CEP170B: variants seen among roughly 807,000 people sequenced by gnomAD.
CEP170B encodes the protein centrosomal protein of 170 kDa protein B.
Under a neutral mutation model 120.6 loss-of-function variants are expected in CEP170B, and 55 were observed. The ratio of observed to expected loss-of-function variants is 0.46; its 90% confidence interval spans 0.37 to 0.57. CEP170B has a LOEUF of 0.57. Ranked by LOEUF, CEP170B falls within the 20% of genes least tolerant of loss-of-function variation. The probability of loss-of-function intolerance (pLI) is 0.00; values close to 1 mark genes in which losing one functional copy is unlikely to be tolerated. For missense variants in CEP170B, 2,212 were observed against 2,253.3 expected (o/e 0.98, Z 0.37); for synonymous variants, 1,033 against 954.5 (o/e 1.08, Z -1.52).
At position 104,870,548 on chromosome 14, in the gene CEP170B, G is replaced by C. The variant is rs1179637439; in HGVS notation, c.105+1993G>C. 6.6e-6 allele frequency among the ~76,000 whole-genome samples: 1 copy of C among 152,192 alleles called. No homozygotes were observed. Among genetic ancestry groups the C allele is most frequent in the Non-Finnish European group, 1.5e-5 (1 of 68,024 alleles). On this transcript the variant is annotated intron_variant, in intron 2 of 18. Transcript: ENST00000414716. This position sits in a 1 kb window ranked among gnomAD's most constrained non-coding sequence, Gnocchi z 4.1. ...ACTTTGGAGCCTCTGGAAGAAGCCA[G>C]AGTCAGCCTGCAGGCAGGGGACTGG...
chr14:104,869,155 G>A (rs750326680), intron 2 of CEP170B, among the ~76,000 whole-genome samples: 1 of 152,174 alleles, frequency 6.6e-6, no homozygotes, highest in African/African-American at 2.4e-5. Flanking sequence ...TGGGGCTTGC[G>A]ATCTGGCTGT....
At chr14:104,877,095 G>A (rs1465875866) in intron 3 of CEP170B, among the ~76,000 whole-genome samples, 3 of 152,034 alleles carry the variant, frequency 2.0e-5, no homozygotes, top group Non-Finnish European at 2.9e-5. Context: ...TGAGCTGGGG[G>A]GCCCTAGCAG....
In CEP170B at chr14:104,889,756, C is replaced by T; in HGVS notation, c.3876C>T (p.Ala1292=). The part of the protein sequence containing the change: ...IVQTAEIAEI[A]RLSQTLVKDV... The stretch of plus-strand genomic sequence containing the variant: ...AGACGGCAGAGATTGCGGAGATTGC[C>T]AGGTGAGTAGCCCATTCAGAGTAAA... The change falls in exon 13 of 19, where the codon GCC becomes GCT. Residue 1292 remains alanine (A), a splice_region_variant and synonymous_variant. Transcript: ENST00000414716. 1.2e-6 allele frequency: 2 copies of T among 1,600,916 alleles called. No homozygotes were observed. Among genetic ancestry groups the T allele is most frequent in the Non-Finnish European group, 8.5e-7 (1 of 1,170,938 alleles).
chr14:104,885,298 C>T, intron 9 of CEP170B, 71 bp from the exon 10 acceptor site: 2 of 1,449,124 alleles, frequency 1.4e-6, no homozygotes, highest in South Asian at 1.4e-5. Context: ...CTGGGGGTGG[C>T]CAGTGTCAGT....
At chr14:104,874,940 A>G (rs78369243) in intron 2 of CEP170B, among the ~76,000 whole-genome samples, 1,585 of 152,336 alleles carry the variant, frequency 0.01, 28 homozygotes, top group African/African-American at 0.035. Flanking sequence ...AAGCTGGGCC[A>G]TCAGAGCCCT....
rs41317300 is a variant in CEP170B at position 104,878,424 on chromosome 14, C to T, written c.275-19C>T. 0.53 allele frequency: 855,874 copies of T among 1,609,792 alleles called. 238,677 individuals carry two copies. Among genetic ancestry groups the T allele is most frequent in the Middle Eastern group, 0.64 (3,848 of 6,054 alleles). On this transcript the variant is annotated intron_variant, in intron 4 of 18. Transcript: ENST00000414716. ...GCTCCTGGCTCTTCTGCTCTGTGTTCGCCTTAACACGTGTCCACATTCCAA... is the reference window on the plus strand; with the variant it reads ...GCTCCTGGCTCTTCTGCTCTGTGTTTGCCTTAACACGTGTCCACATTCCAA...
intron 16 of CEP170B, 26 bp downstream of exon 16, chr14:104,893,875 G>C (rs762447265): frequency 6.3e-7 from 1 of 1,591,556 alleles, no homozygotes; most frequent in African/African-American, 1.3e-5. Context: ...GGCTGAGGTG[G>C]ACGCCCAGAC....
rs200830412 is a variant in CEP170B, at chr14:104,884,507, G to T, written c.1728G>T (p.Ala576=). The change falls in exon 9 of 19, where the codon GCG becomes GCT. Residue 576 remains alanine, a synonymous_variant. Transcript: ENST00000414716. The stretch of plus-strand genomic sequence containing the variant: ...GGACATACACCATCGAGACCGAGGC[G>T]CAGGACACGGAGGTGGAGGAGGCCC... ...DAGTYTIETE[A]QDTEVEEARK... 1.9e-6 allele frequency: 3 copies of T among 1,564,604 alleles called. No individual in the cohort carries two copies. The highest frequency in any genetic ancestry group is 3.8e-5 in the Admixed American group (2 of 53,066).
intron 13 of CEP170B, among the ~76,000 whole-genome samples, 151 bp downstream of exon 13, chr14:104,889,909 G>A (rs866339230): frequency 0.2 from 5,195 of 25,390 alleles, 354 homozygotes; most frequent in Middle Eastern, 0.39. Context: ...TGGACAAATG[G>A]ATGGATGGAT....
intron 5 of CEP170B, among the ~76,000 whole-genome samples, chr14:104,879,376 G>C (rs2140669357): frequency 6.6e-6 from 1 of 152,272 alleles, no homozygotes; most frequent in East Asian, 1.9e-4. Context: ...TAACGGATTT[G>C]AGTCCTTCAA....
Position 104,870,200 on chromosome 14 carries a change from G to A in CEP170B, c.105+1645G>A, listed in dbSNP as rs1007095346. Among the ~76,000 whole-genome samples, 7 of 152,232 alleles carry A rather than the reference G, an allele frequency of 4.6e-5. No individual in the cohort carries two copies. Among genetic ancestry groups the A allele is most frequent in the Non-Finnish European group, 7.3e-5 (5 of 68,040 alleles). On this transcript the variant is annotated intron_variant, in intron 2 of 18. Coordinates refer to ENST00000414716, the MANE Select transcript of CEP170B (RefSeq NM_001112726.3). This position sits in a 1 kb window ranked among gnomAD's most constrained non-coding sequence, Gnocchi z 4.1. ...CCGTGGTGAGGGGCAGCCAGGGAGC[G>A]AGCGTGGGCGACCGAGGTGGGCGCG...
At chr14:104,890,898 T>G (rs1595358888) in intron 13 of CEP170B, among the ~76,000 whole-genome samples, 1 of 112,378 alleles carries the variant, frequency 8.9e-6, no homozygotes, top group Non-Finnish European at 1.8e-5. Flanking sequence ...GGTGGGTGGA[T>G]GGAGGGATGG....
chr14:104,882,457 CCAGGCAGGGAGGAGGGGCCAGG>C (rs1018644283), intron 6 of CEP170B, among the ~76,000 whole-genome samples: 2 of 148,808 alleles, frequency 1.3e-5, no homozygotes, highest in Non-Finnish European at 3.0e-5. Context: ...AGAGGAGGGG[CCAGGCAGGGAGGAGGGGCCAGG>C]CAGGCAGGGA....
chr14:104,887,162 AC>A lies in CEP170B; in HGVS notation c.2929del (p.Gln977SerfsTer55). The part of the protein sequence containing the change: ...RSGKSGPSPT[T>X]PQPLRAQKEM... Reference sequence around the variant, plus strand: ...TGGCAAGAGCGGGCCCAGCCCCACAACCCCCCAGCCTCTGCGGGCACAGAAG... The same window carrying A: ...TGGCAAGAGCGGGCCCAGCCCCACAACCCCCAGCCTCTGCGGGCACAGAAG... On this transcript the variant is annotated frameshift_variant, in exon 12 of 19. Coordinates refer to ENST00000414716, the MANE Select transcript of CEP170B (RefSeq NM_001112726.3). LOFTEE classifies it high-confidence loss of function. 3 of 1,607,578 alleles carry A rather than the reference AC, an allele frequency of 1.9e-6. No homozygotes were observed.
At chr14:104,881,298 G>A (rs898708127) in intron 6 of CEP170B, among the ~76,000 whole-genome samples, 1 of 152,108 alleles carries the variant, frequency 6.6e-6, no homozygotes, top group African/African-American at 2.4e-5. Context: ...TCGGGGTGGG[G>A]TATCCAAGCC....
chr14:104,884,069 C>G lies in CEP170B; in HGVS notation c.1290C>G (p.Pro430=). 1 of 1,604,812 alleles carries G rather than the reference C, an allele frequency of 6.2e-7. No individual in the cohort carries two copies. The highest frequency in any genetic ancestry group is 8.5e-7 in the Non-Finnish European group (1 of 1,175,900). ...QSFTHSPSGD[P]KADKRRGPTP... The stretch of plus-strand genomic sequence containing the variant: ...TCACGCACAGCCCGTCCGGGGACCC[C>G]AAGGCCGACAAGCGCCGTGGCCCAA... The change falls in exon 9 of 19, where the codon CCC becomes CCG. Residue 430 remains proline (P), a synonymous_variant. Transcript: ENST00000414716.
rs1306339389 is a variant in CEP170B, at chr14:104,887,234, G to A, written c.2995G>A (p.Ala999Thr). Reference sequence around the variant, plus strand: ...AGCTGCACAGGACCCGGGAGGCACCGCCCTGGTCAGTGCCCGTGAGCAGTC... The same window carrying A: ...AGCTGCACAGGACCCGGGAGGCACCACCCTGGTCAGTGCCCGTGAGCAGTC... Reference protein sequence around the residue: ...PPAAQDPGGTALVSAREQSSE... With the variant: ...PPAAQDPGGTTLVSAREQSSE... The change falls in exon 12 of 19, where the codon GCC becomes ACC. Residue 999 changes from alanine (A) to threonine (T), a missense_variant. Ala to Thr is a moderately conservative substitution (Grantham distance 58). This residue lies in a region of CEP170B where 2,166 missense variants were observed against 2,166.7 expected (regional missense o/e 1.00). Transcript: ENST00000414716. 11 of 1,606,034 alleles carry A rather than the reference G, an allele frequency of 6.8e-6. No individual in the cohort carries two copies. Among genetic ancestry groups the A allele is most frequent in the Middle Eastern group, 1.6e-4 (1 of 6,084 alleles).
At position 104,870,477 on chromosome 14, in the gene CEP170B, G is replaced by GC. The variant is rs990631224; in HGVS notation, c.105+1923dup. Among the ~76,000 whole-genome samples the GC allele has an allele frequency of 1.3e-5, 2 of 152,178 alleles. No homozygotes were observed. The highest frequency in any genetic ancestry group is 2.9e-5 in the Non-Finnish European group (2 of 68,040). The stretch of plus-strand genomic sequence containing the variant: ...CAGGGGTGGCATCAGTGATGGCCGC[G>GC]CTGCTCTACCTAGGGTGGCTAGGAG... On this transcript the variant is annotated intron_variant, in intron 2 of 18. Transcript: ENST00000414716. This position sits in a 1 kb window ranked among gnomAD's most constrained non-coding sequence, Gnocchi z 4.1.
At chr14:104,877,110 TCAG>T (rs1038021761) in intron 3 of CEP170B, among the ~76,000 whole-genome samples, 4 of 151,980 alleles carry the variant, frequency 2.6e-5, no homozygotes, top group Non-Finnish European at 5.9e-5. Context: ...TAGCAGCCCC[TCAG>T]CAGCCCCTCA....
Sources: allele counts gnomAD v4.1 joint callset (sites outside exome capture counted in the v4.1 genomes callset), GRCh38; gene constraint gnomAD v4.1.1; regional missense constraint gnomAD v4.1.1; non-coding constraint Gnocchi (gnomAD v3.1); transcripts MANE v1.5; gene names NCBI Gene and HGNC (gene_info 2026-07-23, HGNC 2026-07-21).